TENM3: variants seen among roughly 807,000 people sequenced by gnomAD.
TENM3 encodes teneurin transmembrane protein 3, also known as teneurin-3.
A neutral mutation model predicts 255.1 loss-of-function variants in TENM3; 63 were observed. The observed-to-expected ratio is 0.25, with a 90% confidence interval of 0.20 to 0.30. The LOEUF is 0.30. TENM3 is among the 10% of genes least tolerant of loss of function. The pLI is 1.00. For missense variants in TENM3, 2,929 were observed against 3,461.1 expected, an observed-to-expected ratio of 0.85 and a Z score of 3.86; for synonymous variants, 1,306 against 1,322.3, an observed-to-expected ratio of 0.99 and a Z score of 0.27.
intron 2 of TENM3, among the ~76,000 whole-genome samples, chr4:182,344,345 G>A (rs1764666003): frequency 1.3e-5 from 2 of 152,112 alleles, no homozygotes; most frequent in Non-Finnish European, 2.9e-5. Context: ...CTTCATTTCA[G>A]AAGCAGCCCT....
chr4:182,290,583 A>G (rs763058404), intron 1 of TENM3, among the ~76,000 whole-genome samples: 2 of 150,706 alleles, frequency 1.3e-5, no homozygotes, highest in Admixed American at 6.6e-5. Context: ...GCTCACTGCA[A>G]TCTCCATCTC....
chr4:182,471,625 C>CTGTG (rs1491572257), intron 3 of TENM3, among the ~76,000 whole-genome samples: 2 of 124,222 alleles, frequency 1.6e-5, no homozygotes, highest in Admixed American at 8.7e-5. Context: ...TGGCACATGC[C>CTGTG]TCTGTGTGTG....
the TENM3 span, among the ~76,000 whole-genome samples, chr4:181,755,252 G>C: frequency 6.6e-6 from 1 of 152,124 alleles, no homozygotes; most frequent in Non-Finnish European, 1.5e-5. Context: ...TACTTGCAGA[G>C]TATTCAGTTA....
rs562346920 is a variant in TENM3, at chr4:182,415,305, G to A, written c.511+68376G>A. 7.2e-5 allele frequency among the ~76,000 whole-genome samples: 11 copies of A among 152,222 alleles called. 1 individual carries two copies. The East Asian group carries it at 1.7e-3, about 24-fold the overall frequency. On this transcript the variant is annotated intron_variant, in intron 3 of 27. Coordinates refer to ENST00000511685, the MANE Select transcript of TENM3 (RefSeq NM_001080477.4). ...AAGAGAATGTAGCATTTCAAATGTC[G>A]GAAATGTGCTATAGATTTTTTGGCA...
the TENM3 span, among the ~76,000 whole-genome samples, chr4:182,051,278 G>T: frequency 3.4e-4 from 51 of 151,792 alleles, no homozygotes; most frequent in African/African-American, 1.2e-3. Context: ...GGGAGGTGGA[G>T]GTTGCAGTGA....
intron 19 of TENM3, among the ~76,000 whole-genome samples, chr4:182,748,962 A>G (rs1459682429): frequency 6.6e-6 from 1 of 152,196 alleles, no homozygotes; most frequent in Non-Finnish European, 1.5e-5. Context: ...ATAAGCAAAT[A>G]TAAGCACCAC....
chr4:181,877,150 C>G, the TENM3 span: 4 of 151,972 alleles, frequency 2.6e-5, no homozygotes, highest in African/African-American at 9.7e-5. Context: ...ATATACATGT[C>G]AAAGGAGTGG....
chr4:182,682,042 A>C (rs1211491219), intron 11 of TENM3, 28 bp downstream of exon 11: 11 of 1,587,970 alleles, frequency 6.9e-6, no homozygotes, highest in Middle Eastern at 3.9e-4. Context: ...AGTACAATCG[A>C]GTTGCTTAAT....
chr4:182,284,199 G>C (rs1760582395), intron 1 of TENM3, among the ~76,000 whole-genome samples: 1 of 152,076 alleles, frequency 6.6e-6, no homozygotes, highest in African/African-American at 2.4e-5. Flanking sequence ...CCTCTGACTG[G>C]TATCACTTTC....
chr4:182,436,627 GCTGTGGTTAGATC>G (rs1772068891), intron 3 of TENM3, among the ~76,000 whole-genome samples: 1 of 152,176 alleles, frequency 6.6e-6, no homozygotes, highest in Admixed American at 6.5e-5. Context: ...ACATGATATG[GCTGTGGTTAGATC>G]CTTGCCACCA....
chr4:181,798,286 T>A, the TENM3 span, among the ~76,000 whole-genome samples: 1 of 152,174 alleles, frequency 6.6e-6, no homozygotes, highest in South Asian at 2.1e-4. Context: ...CTTGCTTTCT[T>A]CCTTTTCTTT....
At chr4:181,605,797 T>C in the TENM3 span, among the ~76,000 whole-genome samples, 3 of 152,194 alleles carry the variant, frequency 2.0e-5, no homozygotes, top group Non-Finnish European at 2.9e-5. Flanking sequence ...GGTACCCTAA[T>C]TGTCCAAAAA....
At chr4:181,986,978 T>G in the TENM3 span, among the ~76,000 whole-genome samples, 1 of 152,070 alleles carries the variant, frequency 6.6e-6, no homozygotes, top group African/African-American at 2.4e-5. Context: ...TTCCAAAGTT[T>G]CCACAATGCC....
chr4:181,918,782 T>C, the TENM3 span, among the ~76,000 whole-genome samples: 1 of 152,158 alleles, frequency 6.6e-6, no homozygotes, highest in Non-Finnish European at 1.5e-5. Flanking sequence ...TATTCCCCTC[T>C]GTCCCTGAAG....
chr4:181,611,441 G>GT, the TENM3 span, among the ~76,000 whole-genome samples: 4 of 151,942 alleles, frequency 2.6e-5, no homozygotes, highest in African/African-American at 4.8e-5. Flanking sequence ...CCTCTTCTGC[G>GT]TTTTTTCTTT....
At chr4:181,880,709 C>T in the TENM3 span, among the ~76,000 whole-genome samples, 1 of 152,106 alleles carries the variant, frequency 6.6e-6, no homozygotes, top group African/African-American at 2.4e-5. Flanking sequence ...TAACTCCTAC[C>T]CTTTGAAAAC....
chr4:181,449,396 A>T, the TENM3 span, among the ~76,000 whole-genome samples: 131 of 152,314 alleles, frequency 8.6e-4, no homozygotes, highest in Non-Finnish European at 5.9e-4. Context: ...GGGTAGTCTA[A>T]TTATTTCAAA....
At chr4:182,052,258 C>T in the TENM3 span, among the ~76,000 whole-genome samples, 2 of 152,060 alleles carry the variant, frequency 1.3e-5, no homozygotes, top group African/African-American at 4.8e-5. Context: ...GGAACAGGCA[C>T]CTGAGTTACA....
chr4:181,517,563 G>A, the TENM3 span, among the ~76,000 whole-genome samples: 7 of 152,160 alleles, frequency 4.6e-5, no homozygotes, highest in East Asian at 1.9e-4. Flanking sequence ...ACTTCTCTTC[G>A]CACACACATA....
Sources: allele counts gnomAD v4.1 joint callset (sites outside exome capture counted in the v4.1 genomes callset), GRCh38; gene constraint gnomAD v4.1.1; transcripts MANE v1.5; gene names NCBI Gene and HGNC (gene_info 2026-07-23, HGNC 2026-07-21).